Variants in TMEM50B observed in about 807,000 individuals in gnomAD.
The protein encoded by TMEM50B is transmembrane protein 50B, also known as HCV p7-trans-regulated protein 3.
In TMEM50B, 14 loss-of-function variants were observed where a neutral mutation model predicts 23.4. That is an observed-to-expected ratio of 0.60 (90% CI 0.39 to 0.93). The LOEUF is 0.93. Among genes scored for constraint, TMEM50B ranks in the 40% least tolerant of loss-of-function variants. The probability of loss-of-function intolerance (pLI) is 0.00; values close to 1 mark genes in which losing one functional copy is unlikely to be tolerated. For synonymous variants in TMEM50B, 64 were observed against 62.3 expected, an observed-to-expected ratio of 1.03 and a Z score of -0.13; for missense variants, 159 against 193.0, an observed-to-expected ratio of 0.82 and a Z score of 1.04.
chr21:33,448,243 TC>T (rs1211153402), downstream of TMEM50B, among the ~76,000 whole-genome samples: 14 of 152,278 alleles, frequency 9.2e-5, no homozygotes, highest in African/African-American at 3.4e-4. Flanking sequence ...TCTGCCCGCC[TC>T]GGCCTCCCAA....
At chr21:33,433,475 G>T (rs2083910564) in intron 8 of TMEM50B, among the ~76,000 whole-genome samples, 1 of 152,174 alleles carries the variant, frequency 6.6e-6, no homozygotes, top group Non-Finnish European at 1.5e-5. Flanking sequence ...CACACACATG[G>T]ACCTTGAGGA....
intron 1 of TMEM50B, among the ~76,000 whole-genome samples, chr21:33,476,368 A>G (rs2084370278): frequency 1.3e-5 from 2 of 151,760 alleles, no homozygotes; most frequent in African/African-American, 4.8e-5. Flanking sequence ...GGGCAACAAG[A>G]GCAAAACTCC....
At chr21:33,454,351 T>C (rs1217838194) in intron 6 of TMEM50B, among the ~76,000 whole-genome samples, 1 of 152,134 alleles carries the variant, frequency 6.6e-6, no homozygotes, top group Non-Finnish European at 1.5e-5. Flanking sequence ...CAAGCTGAAA[T>C]GCAGTGGCAC....
chr21:33,448,487 T>C (rs1909645213), downstream of TMEM50B, among the ~76,000 whole-genome samples: 1 of 151,230 alleles, frequency 6.6e-6, no homozygotes. Flanking sequence ...AAAAACAACT[T>C]TTTTTTTTAA....
intron 8 of TMEM50B, chr21:33,436,754 A>G: frequency 8.1e-7 from 1 of 1,237,962 alleles, no homozygotes. Context: ...AAATAAAAAC[A>G]AAAACTAAAG....
At chr21:33,470,588 T>C (rs1337372495) in intron 1 of TMEM50B, among the ~76,000 whole-genome samples, 1 of 146,934 alleles carries the variant, frequency 6.8e-6, no homozygotes, top group Non-Finnish European at 1.5e-5. Flanking sequence ...AAAAAAAAAA[T>C]TAGCTGGGCA....
chr21:33,448,936 G>C (rs1190049495), downstream of TMEM50B: 3 of 151,544 alleles, frequency 2.0e-5, no homozygotes, highest in Non-Finnish European at 4.4e-5. Flanking sequence ...TCATGGCAGA[G>C]TCAGAAATAG....
At chr21:33,469,078 A>G (rs962447374) in intron 1 of TMEM50B, among the ~76,000 whole-genome samples, 152 bp from the exon 2 acceptor site, 1 of 152,154 alleles carries the variant, frequency 6.6e-6, no homozygotes, top group African/African-American at 2.4e-5. Flanking sequence ...CAAGTACCTA[A>G]TTGAGATGTA....
downstream of TMEM50B, among the ~76,000 whole-genome samples, chr21:33,444,157 T>TCC (rs1259188911): frequency 7.1e-6 from 1 of 140,778 alleles, no homozygotes. Context: ...CACCTTGGCC[T>TCC]CCCAAAGCAC....
intron 7 of TMEM50B, among the ~76,000 whole-genome samples, chr21:33,441,005 G>A (rs557055914): frequency 3.9e-5 from 6 of 152,020 alleles, no homozygotes; most frequent in East Asian, 1.9e-4. Flanking sequence ...TCAGGTGAGC[G>A]GATCGCCTGA....
chr21:33,472,926 T>G (rs1287042101), intron 1 of TMEM50B, among the ~76,000 whole-genome samples: 1 of 151,040 alleles, frequency 6.6e-6, no homozygotes, highest in Non-Finnish European at 1.5e-5. Flanking sequence ...TGAAAAATAT[T>G]AACTTATAAA....
At chr21:33,458,541 T>C (rs1180792037) in intron 5 of TMEM50B, among the ~76,000 whole-genome samples, 2 of 152,220 alleles carry the variant, frequency 1.3e-5, no homozygotes, top group East Asian at 3.9e-4. Flanking sequence ...TAAGATTCCA[T>C]GTGTATGAAA....
intron 1 of TMEM50B, among the ~76,000 whole-genome samples, chr21:33,471,333 A>G (rs1449914881): frequency 7.3e-6 from 1 of 137,862 alleles, no homozygotes; most frequent in Admixed American, 7.4e-5. Context: ...ATTATTCACA[A>G]CGTCCAATAT....
intron 6 of TMEM50B, among the ~76,000 whole-genome samples, chr21:33,451,588 G>T (rs1458243286): frequency 6.6e-6 from 1 of 152,122 alleles, no homozygotes; most frequent in Non-Finnish European, 1.5e-5. Context: ...TCGGCAAAGT[G>T]AGAGAGGATA....
intron 5 of TMEM50B, 174 bp from the exon 6 acceptor site, chr21:33,455,958 A>G (rs1281178183): frequency 7.2e-6 from 5 of 698,026 alleles, no homozygotes; most frequent in African/African-American, 1.8e-5. Context: ...TAATTCCCCC[A>G]AAGCAAAGGA....
chr21:33,467,990 G>A (rs890407183), intron 2 of TMEM50B, among the ~76,000 whole-genome samples: 5 of 150,376 alleles, frequency 3.3e-5, no homozygotes, highest in Admixed American at 6.7e-5. Context: ...ATTTGAAGCT[G>A]TAGTATACTA....
intron 4 of TMEM50B, among the ~76,000 whole-genome samples, chr21:33,462,199 CTAAA>C (rs1300061839): frequency 6.6e-6 from 1 of 151,986 alleles, no homozygotes; most frequent in African/African-American, 2.4e-5. Flanking sequence ...CCTCCGGGAA[CTAAA>C]TAGAGATAGT....
chr21:33,434,264 G>A (rs2083920928), intron 8 of TMEM50B, among the ~76,000 whole-genome samples: 1 of 152,196 alleles, frequency 6.6e-6, no homozygotes, highest in Non-Finnish European at 1.5e-5. Flanking sequence ...ACCCACACCT[G>A]TAATCCCAGG....
chr21:33,432,934 G>A (rs2083904853), intron 8 of TMEM50B: 3 of 1,346,484 alleles, frequency 2.2e-6, no homozygotes, highest in African/African-American at 2.9e-5. Context: ...TGCCCAGGCG[G>A]GAGTGTCATG....
Sources: allele counts gnomAD v4.1 joint callset (sites outside exome capture counted in the v4.1 genomes callset), GRCh38; gene constraint gnomAD v4.1.1; transcripts MANE v1.5; gene names NCBI Gene and HGNC (gene_info 2026-07-23, HGNC 2026-07-21).